Variants in CDK14 observed in about 807,000 individuals in gnomAD.
CDK14 encodes cyclin dependent kinase 14.
A neutral mutation model predicts 60.7 loss-of-function variants in CDK14; 34 were observed. The ratio of observed to expected loss-of-function variants is 0.56; its 90% CI spans 0.43 to 0.75. The LOEUF is 0.75. Ranked by LOEUF, CDK14 falls within the 30% of genes least tolerant of loss-of-function variation. CDK14 has a pLI of 0.00. For missense variants in CDK14, 482 were observed against 564.1 expected (o/e 0.85, Z 1.47); for synonymous variants, 197 against 203.7 (o/e 0.97, Z 0.28).
At chr7:91,071,475 T>C (rs1456701309) in intron 11 of CDK14, among the ~76,000 whole-genome samples, 1 of 152,006 alleles carries the variant, frequency 6.6e-6, no homozygotes, top group Non-Finnish European at 1.5e-5. Flanking sequence ...AGGCAGTGAG[T>C]GAGCGTGCTA....
chr7:90,740,764 G>A (rs908465661), intron 3 of CDK14, among the ~76,000 whole-genome samples: 2 of 152,108 alleles, frequency 1.3e-5, no homozygotes, highest in Non-Finnish European at 2.9e-5. Flanking sequence ...TTTAAACACT[G>A]TTAATTTGTT....
At chr7:91,185,056 G>T (rs772012591) in intron 14 of CDK14, among the ~76,000 whole-genome samples, 5 of 150,310 alleles carry the variant, frequency 3.3e-5, no homozygotes, top group Non-Finnish European at 7.4e-5. Context: ...TTAGGAAAAG[G>T]ATTCTGGCAA....
intron 4 of CDK14, among the ~76,000 whole-genome samples, chr7:90,783,076 C>T (rs1382267814): frequency 6.6e-6 from 1 of 152,054 alleles, no homozygotes; most frequent in African/African-American, 2.4e-5. Flanking sequence ...CTGAAATGTA[C>T]ATAATTTTTT....
intron 2 of CDK14, among the ~76,000 whole-genome samples, chr7:90,633,377 C>T (rs1800049482): frequency 6.6e-6 from 1 of 151,994 alleles, no homozygotes; most frequent in South Asian, 2.1e-4. Flanking sequence ...TAATATGTAC[C>T]TCATGGTAAA....
chr7:90,942,010 T>G (rs541456972), intron 8 of CDK14, among the ~76,000 whole-genome samples: 1 of 152,334 alleles, frequency 6.6e-6, no homozygotes, highest in South Asian at 2.1e-4. Flanking sequence ...CTGGCTGTTA[T>G]TTCCAACAAG....
chr7:90,806,270 AAATC>A (rs1788830792), intron 5 of CDK14, among the ~76,000 whole-genome samples: 1 of 152,200 alleles, frequency 6.6e-6, no homozygotes, highest in South Asian at 2.1e-4. Context: ...ATATAAATGA[AAATC>A]AATAAATTGG....
chr7:91,184,648 GCTC>G (rs1484373195), intron 14 of CDK14, among the ~76,000 whole-genome samples: 1 of 152,188 alleles, frequency 6.6e-6, no homozygotes, highest in Non-Finnish European at 1.5e-5. Flanking sequence ...AATGGGGATG[GCTC>G]CTCTTTATTA....
intron 8 of CDK14, among the ~76,000 whole-genome samples, chr7:90,953,844 A>G (rs1794330076): frequency 6.6e-6 from 1 of 152,170 alleles, no homozygotes; most frequent in Admixed American, 6.5e-5. Context: ...AACCATAGGC[A>G]TTTGAGGAAC....
At chr7:91,178,662 C>G (rs1047242225) in intron 14 of CDK14, among the ~76,000 whole-genome samples, 10 of 152,218 alleles carry the variant, frequency 6.6e-5, no homozygotes, top group Non-Finnish European at 1.2e-4. Flanking sequence ...TGAACAGACA[C>G]TTCTCAAAAG....
intron 2 of CDK14, among the ~76,000 whole-genome samples, chr7:90,707,587 C>T (rs986174545): frequency 6.6e-6 from 1 of 152,148 alleles, no homozygotes; most frequent in Non-Finnish European, 1.5e-5. Context: ...GATAAAATTC[C>T]CAACTTTTTA....
chr7:90,715,918 C>G (rs1487575988), intron 2 of CDK14, among the ~76,000 whole-genome samples: 1 of 150,940 alleles, frequency 6.6e-6, no homozygotes, highest in African/African-American at 2.4e-5. Flanking sequence ...AGCCCTTTGG[C>G]TATAAATGTT....
intron 10 of CDK14, among the ~76,000 whole-genome samples, chr7:91,041,512 A>G (rs1296336180): frequency 6.6e-6 from 1 of 152,172 alleles, no homozygotes; most frequent in African/African-American, 2.4e-5. Flanking sequence ...TCTTCCCTAT[A>G]TAAGTGGATT....
intron 14 of CDK14, among the ~76,000 whole-genome samples, chr7:91,184,793 G>C (rs995349490): frequency 6.6e-6 from 1 of 152,018 alleles, no homozygotes; most frequent in Admixed American, 6.6e-5. Context: ...GATGGAGCAG[G>C]AAAGTTGGGG....
chr7:90,971,136 A>G (rs531514319), intron 9 of CDK14, among the ~76,000 whole-genome samples: 2 of 146,066 alleles, frequency 1.4e-5, no homozygotes, highest in South Asian at 2.2e-4. Context: ...GTTCCCACCT[A>G]TGAGTGAGAA....
rs1175912616 is a variant in CDK14 at position 91,208,360 on chromosome 7, G to C, written c.*1224G>C. ...GGCGAGTATGTGACACTGGAGAAAA[G>C]TGGACCAGGCATGTCTTTTGCTTTG... On this transcript the variant is annotated 3_prime_UTR_variant, in exon 15 of 15. Transcript: ENST00000380050. The C allele has an allele frequency of 6.5e-6, 1 of 152,694 alleles. No homozygotes were observed. The highest frequency in any genetic ancestry group is 2.4e-5 in the African/African-American group (1 of 41,470). The allele number at this position is 152,694 out of a possible 1,614,324, so 9.5% of individuals were successfully genotyped here.
chr7:90,894,978 A>C (rs1792249201), intron 6 of CDK14, among the ~76,000 whole-genome samples: 1 of 152,156 alleles, frequency 6.6e-6, no homozygotes, highest in African/African-American at 2.4e-5. Context: ...GACTGTGATC[A>C]TAGAGAGATT....
chr7:90,756,394 A>G (rs1471203277), intron 4 of CDK14, among the ~76,000 whole-genome samples: 1 of 152,248 alleles, frequency 6.6e-6, no homozygotes, highest in Non-Finnish European at 1.5e-5. Flanking sequence ...TTATGCCTGA[A>G]TAAAAGAAAG....
chr7:91,047,215 A>T (rs959625338), intron 11 of CDK14, among the ~76,000 whole-genome samples: 1 of 152,198 alleles, frequency 6.6e-6, no homozygotes, highest in Non-Finnish European at 1.5e-5. Context: ...CTGTGTTAGG[A>T]CCTAAAATTT....
chr7:91,091,645 G>C (rs1017122982), intron 12 of CDK14, among the ~76,000 whole-genome samples: 1 of 148,696 alleles, frequency 6.7e-6, no homozygotes, highest in South Asian at 2.1e-4. Flanking sequence ...CTCTAGCCTG[G>C]GCGACAGAGC....
Sources: gnomAD v4.1 joint callset for allele counts (sites outside exome capture counted in the v4.1 genomes callset) on GRCh38, gnomAD v4.1.1 for gene constraint, MANE v1.5 for transcripts, NCBI Gene and HGNC (gene_info 2026-07-23, HGNC 2026-07-21) for gene names.